The following LUZP2 variants were observed in gnomAD, a reference collection of about 807,000 sequenced individuals.
The protein encoded by LUZP2 is leucine zipper protein 2.
A neutral mutation model predicts 51.6 loss-of-function variants in LUZP2; 52 were observed. That is an observed-to-expected ratio of 1.01 (90% CI 0.81 to 1.27). The LOEUF (loss-of-function observed/expected upper bound fraction) is 1.27. LUZP2 is among the 50% of genes most tolerant of loss of function. LUZP2 has a pLI of 0.00. For synonymous variants in LUZP2, 154 were observed against 137.3 expected (o/e 1.12, Z -0.85); for missense variants, 436 against 395.4 (o/e 1.10, Z -0.87).
At chr11:24,592,483 A>G (rs950257774) in intron 1 of LUZP2, among the ~76,000 whole-genome samples, 2 of 152,176 alleles carry the variant, frequency 1.3e-5, no homozygotes, top group African/African-American at 4.8e-5. Context: ...CTGTTACATG[A>G]TATTTTTCCA....
intron 5 of LUZP2, among the ~76,000 whole-genome samples, chr11:24,790,194 T>C (rs1376002568): frequency 1.3e-5 from 2 of 152,226 alleles, no homozygotes; most frequent in Admixed American, 6.5e-5. Context: ...ACTGCCTTTT[T>C]TTGTGTTCCT....
At position 25,078,557 on chromosome 11, in the gene LUZP2, T is replaced by C. The variant is rs753459428; in HGVS notation, c.940T>C (p.Leu314=). 2 of 1,610,810 alleles carry C rather than the reference T, an allele frequency of 1.2e-6. No homozygotes were observed. Among genetic ancestry groups the C allele is most frequent in the Non-Finnish European group, 1.7e-6 (2 of 1,178,984 alleles). Reference sequence around the variant, plus strand: ...TCTTTTCTGTATTGTTTAACAGAAATTGCAAATGCCTCCTTGCTCTGAATG... The same window carrying C: ...TCTTTTCTGTATTGTTTAACAGAAACTGCAAATGCCTCCTTGCTCTGAATG... ...TAETEPIPQK[L]QMPPCSECEV... The change falls in exon 12 of 12, where the codon TTG becomes CTG. Residue 314 remains leucine, a synonymous_variant. Coordinates refer to ENST00000336930, the MANE Select transcript of LUZP2 (RefSeq NM_001009909.4).
intron 5 of LUZP2, among the ~76,000 whole-genome samples, chr11:24,864,176 A>G (rs560108366): frequency 3.3e-5 from 5 of 152,162 alleles, no homozygotes; most frequent in Non-Finnish European, 5.9e-5. Context: ...ATTATAGTGT[A>G]CTTATGTGTT....
At chr11:24,797,162 A>T (rs968066020) in intron 5 of LUZP2, among the ~76,000 whole-genome samples, 4 of 152,202 alleles carry the variant, frequency 2.6e-5, no homozygotes, top group Admixed American at 6.5e-5. Context: ...AACACATAAG[A>T]TAATAAGAAC....
At chr11:24,867,512 A>G (rs1335846784) in intron 5 of LUZP2, among the ~76,000 whole-genome samples, 1 of 151,994 alleles carries the variant, frequency 6.6e-6, no homozygotes, top group Non-Finnish European at 1.5e-5. Context: ...TACCCTTGCC[A>G]TTGATGTTTA....
Position 24,643,866 on chromosome 11 carries a change from C to T in LUZP2, c.63-85303C>T, listed in dbSNP as rs1472453634. Among the ~76,000 whole-genome samples the T allele has an allele frequency of 2.6e-5, 4 of 152,304 alleles. No individual in the cohort carries two copies. The East Asian group carries it at 5.8e-4, about 22-fold the overall frequency. ...TTCTCTGTTTTCCATGACTACATGA[C>T]TATGCATTTCATCCTGGGATAATTC... is the stretch of plus-strand genomic sequence containing the variant. On this transcript the variant is annotated intron_variant, in intron 1 of 11. Transcript: ENST00000336930.
chr11:24,726,920 T>C (rs1313854152), intron 1 of LUZP2, among the ~76,000 whole-genome samples: 1 of 152,136 alleles, frequency 6.6e-6, no homozygotes, highest in Non-Finnish European at 1.5e-5. Flanking sequence ...CAGTGTAATT[T>C]GGTTTCCTCT....
chr11:24,769,884 C>G lies in LUZP2; in HGVS notation c.396+6576C>G, dbSNP rs1190747024. On this transcript the variant is annotated intron_variant, in intron 5 of 11. Transcript: ENST00000336930. ...CATGGCTCACTGCAACCTCCGCCTC[C>G]CGGGTTCAAGCAATTCTCTTGCCCC... Among the ~76,000 whole-genome samples, 4 of 151,952 alleles carry G rather than the reference C, an allele frequency of 2.6e-5. No individual in the cohort carries two copies. In the East Asian group the frequency reaches 7.7e-4, roughly 29 times the overall value.
chr11:24,602,122 A>ATGTG (rs1431111665), intron 1 of LUZP2, among the ~76,000 whole-genome samples: 4 of 130,362 alleles, frequency 3.1e-5, no homozygotes, highest in Non-Finnish European at 4.6e-5. Context: ...ATATATGTAT[A>ATGTG]TATGTATATG....
At chr11:25,010,387 C>G (rs1329264019) in intron 9 of LUZP2, among the ~76,000 whole-genome samples, 2 of 151,820 alleles carry the variant, frequency 1.3e-5, no homozygotes, top group African/African-American at 4.8e-5. Flanking sequence ...AACCCTGTCT[C>G]TACTAAAAAC....
At chr11:24,906,525 A>G (rs1238905682) in intron 6 of LUZP2, among the ~76,000 whole-genome samples, 1 of 150,674 alleles carries the variant, frequency 6.6e-6, no homozygotes, top group Non-Finnish European at 1.5e-5. Context: ...TGTCTCATAT[A>G]TTTCTCAGGG....
chr11:24,693,650 A>C (rs1857148634), intron 1 of LUZP2, among the ~76,000 whole-genome samples: 1 of 152,102 alleles, frequency 6.6e-6, no homozygotes, highest in South Asian at 2.1e-4. Flanking sequence ...CCTTTGAACA[A>C]AGACTTATTT....
chr11:24,879,927 G>A (rs1023154827), intron 5 of LUZP2, among the ~76,000 whole-genome samples: 3 of 152,170 alleles, frequency 2.0e-5, no homozygotes, highest in African/African-American at 7.2e-5. Flanking sequence ...GTTGAGAGAG[G>A]AATGGCACAA....
chr11:24,936,412 A>G (rs939300761), intron 7 of LUZP2, among the ~76,000 whole-genome samples: 1 of 152,220 alleles, frequency 6.6e-6, no homozygotes, highest in Non-Finnish European at 1.5e-5. Flanking sequence ...AGGACTTAGA[A>G]CCTTCACAAT....
chr11:24,989,482 G>T (rs1856274461), intron 9 of LUZP2, among the ~76,000 whole-genome samples: 1 of 151,942 alleles, frequency 6.6e-6, no homozygotes, highest in Non-Finnish European at 1.5e-5. Context: ...CTAATGTTAT[G>T]GGAGACTCAC....
intron 1 of LUZP2, among the ~76,000 whole-genome samples, chr11:24,598,646 G>T (rs990989174): frequency 6.6e-6 from 1 of 151,996 alleles, no homozygotes; most frequent in Admixed American, 6.6e-5. Flanking sequence ...ATCATATCCC[G>T]AGAAAAGAGA....
chr11:24,860,667 G>A (rs544846916), intron 5 of LUZP2, among the ~76,000 whole-genome samples: 6 of 152,118 alleles, frequency 3.9e-5, no homozygotes, highest in East Asian at 1.9e-4. Flanking sequence ...AATAGGGCCC[G>A]AAGTGAACCC....
chr11:25,062,783 T>C (rs1454297478), intron 10 of LUZP2, among the ~76,000 whole-genome samples: 1 of 151,338 alleles, frequency 6.6e-6, no homozygotes, highest in Admixed American at 6.6e-5. Flanking sequence ...ATATTATCTA[T>C]ATAATTTCAT....
At chr11:24,511,765 T>C (rs2133777286) in intron 1 of LUZP2, among the ~76,000 whole-genome samples, 1 of 152,292 alleles carries the variant, frequency 6.6e-6, no homozygotes, top group South Asian at 2.1e-4. Flanking sequence ...ATTCATACCT[T>C]TTGCTTTGTT....
Sources: allele counts gnomAD v4.1 joint callset (sites outside exome capture counted in the v4.1 genomes callset), GRCh38; gene constraint gnomAD v4.1.1; transcripts MANE v1.5; gene names NCBI Gene and HGNC (gene_info 2026-07-23, HGNC 2026-07-21).